Variants in ZNF804A observed in about 807,000 individuals in gnomAD.
The protein encoded by ZNF804A is zinc finger protein 804A.
Under a neutral mutation model 16.5 loss-of-function variants are expected in ZNF804A, and 2 were observed. The observed-to-expected ratio is 0.12, with a 90% CI of 0.05 to 0.38. The LOEUF is 0.38. Among genes scored for constraint, ZNF804A ranks in the 10% least tolerant of loss-of-function variants. The pLI, the probability that ZNF804A is intolerant of heterozygous loss-of-function variation, is 0.99. For synonymous variants in ZNF804A, 534 were observed against 489.6 expected (o/e 1.09, Z -1.20); for missense variants, 1,473 against 1,390.7 (o/e 1.06, Z -0.94).
chr2:184,880,013 A>G, intron 2 of ZNF804A, among the ~76,000 whole-genome samples: 1 of 152,008 alleles, frequency 6.6e-6, no homozygotes, highest in East Asian at 1.9e-4. Flanking sequence ...ATTACATGTT[A>G]CTGAGGGAAA....
At chr2:184,900,535 C>G (rs1334396638) in intron 2 of ZNF804A, among the ~76,000 whole-genome samples, 1 of 151,934 alleles carries the variant, frequency 6.6e-6, no homozygotes, top group Non-Finnish European at 1.5e-5. Context: ...TTTTTTTCTT[C>G]TTTTTAAATA....
In ZNF804A at chr2:184,936,371, T is replaced by G; in HGVS notation, c.975T>G (p.Cys325Trp). The G allele has an allele frequency of 1.2e-6, 2 of 1,614,042 alleles. No homozygotes were observed. The highest frequency in any genetic ancestry group is 1.7e-6 in the Non-Finnish European group (2 of 1,179,962). Reference protein sequence around the residue: ...QLQLSSDADNCQNSVPLADQI... With the variant: ...QLQLSSDADNWQNSVPLADQI... ...AGTTATCTTCTGATGCAGATAATTG[T>G]CAAAATTCAGTCCCATTAGCAGATC... The change falls in exon 4 of 4, where the codon TGT (cysteine) becomes TGG (tryptophan). Residue 325 changes from cysteine (C) to tryptophan (W), a missense_variant. Physicochemically the swap from Cys to Trp is radical, Grantham distance 215. Transcript: ENST00000302277.
At chr2:184,836,807 A>G (rs1411383031) in intron 1 of ZNF804A, among the ~76,000 whole-genome samples, 1 of 151,932 alleles carries the variant, frequency 6.6e-6, no homozygotes, top group African/African-American at 2.4e-5. Context: ...TTATCAATAT[A>G]AATAACTGCA....
At chr2:184,752,202 C>T (rs992536982) in intron 1 of ZNF804A, among the ~76,000 whole-genome samples, 1 of 151,424 alleles carries the variant, frequency 6.6e-6, no homozygotes, top group African/African-American at 2.4e-5. Flanking sequence ...CAGCAGTATT[C>T]ACAATAGCGA....
intron 1 of ZNF804A, among the ~76,000 whole-genome samples, chr2:184,744,910 T>G (rs1425108112): frequency 6.6e-6 from 1 of 151,840 alleles, no homozygotes; most frequent in Non-Finnish European, 1.5e-5. Context: ...CAAGTCCTAA[T>G]CATGTGGGAT....
At chr2:184,776,174 T>C (rs531800466) in intron 1 of ZNF804A, among the ~76,000 whole-genome samples, 5 of 151,684 alleles carry the variant, frequency 3.3e-5, no homozygotes, top group Non-Finnish European at 5.9e-5. Context: ...CGAGGAAATA[T>C]GCAATAACAT....
intron 1 of ZNF804A, among the ~76,000 whole-genome samples, chr2:184,825,052 T>G (rs1695138084): frequency 6.6e-6 from 1 of 152,132 alleles, no homozygotes; most frequent in Admixed American, 6.6e-5. Context: ...AATGTGAAAT[T>G]TTATTATGGC....
At chr2:184,630,245 G>A (rs1278463633) in intron 1 of ZNF804A, among the ~76,000 whole-genome samples, 3 of 151,984 alleles carry the variant, frequency 2.0e-5, no homozygotes, top group Non-Finnish European at 2.9e-5. Context: ...GATAAGATCC[G>A]AAAGATAATT....
In ZNF804A at chr2:184,937,715, A is replaced by G; in HGVS notation, c.2319A>G (p.Arg773=). The G allele has an allele frequency of 6.2e-7, 1 of 1,614,088 alleles. No individual in the cohort carries two copies. The highest frequency in any genetic ancestry group is 8.5e-7 in the Non-Finnish European group (1 of 1,179,994). ...CAGAAAGATTCTATCGAAAACGTAG[A>G]CAACATTCACATTCTTATTCTTCAG... The part of the protein sequence containing the change: ...NESERFYRKR[R]QHSHSYSSDE... The change falls in exon 4 of 4, where the codon AGA becomes AGG. Residue 773 remains arginine (R), a synonymous_variant. Transcript: ENST00000302277.
chr2:184,928,822 G>A (rs1474612519), intron 2 of ZNF804A, among the ~76,000 whole-genome samples: 1 of 152,084 alleles, frequency 6.6e-6, no homozygotes, highest in Non-Finnish European at 1.5e-5. Flanking sequence ...GGAAAGCACT[G>A]AGTTCAACAT....
chr2:184,637,717 C>A (rs1691723943), intron 1 of ZNF804A, among the ~76,000 whole-genome samples: 1 of 151,504 alleles, frequency 6.6e-6, no homozygotes, highest in Non-Finnish European at 1.5e-5. Context: ...GATTATTGCA[C>A]TTAATAATTA....
intron 1 of ZNF804A, among the ~76,000 whole-genome samples, chr2:184,699,770 G>T (rs140270512): frequency 5.4e-4 from 82 of 152,174 alleles, no homozygotes; most frequent in African/African-American, 1.9e-3. Flanking sequence ...AATATTGTAA[G>T]TGAACTAAAG....
rs548998745 is a variant in ZNF804A, at chr2:184,755,059, G to A, written c.112-111310G>A. Among the ~76,000 whole-genome samples, 7 of 151,948 alleles carry A rather than the reference G, an allele frequency of 4.6e-5. No individual in the cohort carries two copies. In the South Asian group the frequency reaches 8.3e-4, roughly 18 times the overall value. ...GTTTATAATTTCGGATGAGATTTGC[G>A]TGGGGACAAAGAGCCAAACCATATG... On this transcript the variant is annotated intron_variant, in intron 1 of 3. Transcript: ENST00000302277.
At chr2:184,869,872 A>G (rs1371213490) in intron 2 of ZNF804A, among the ~76,000 whole-genome samples, 3 of 152,062 alleles carry the variant, frequency 2.0e-5, no homozygotes, top group Admixed American at 6.6e-5. Context: ...TTTCATCCAC[A>G]TTCTCTTTGC....
intron 1 of ZNF804A, among the ~76,000 whole-genome samples, chr2:184,719,008 G>GC (rs1397537244): frequency 1.3e-5 from 2 of 152,150 alleles, no homozygotes; most frequent in Non-Finnish European, 2.9e-5. Flanking sequence ...CTCCATGAGG[G>GC]CCCCATCCCT....
chr2:184,658,796 A>C (rs192594859), intron 1 of ZNF804A, among the ~76,000 whole-genome samples: 23 of 152,340 alleles, frequency 1.5e-4, no homozygotes, highest in Admixed American at 3.9e-4. Context: ...TTTTCAGGTT[A>C]TGTTTCAGGC....
chr2:184,610,016 C>T (rs1195773339), intron 1 of ZNF804A, among the ~76,000 whole-genome samples: 1 of 152,140 alleles, frequency 6.6e-6, no homozygotes, highest in Non-Finnish European at 1.5e-5. Flanking sequence ...GTCATAAGGG[C>T]TCTGCCCTCA....
chr2:184,648,162 A>G (rs993145819), intron 1 of ZNF804A, among the ~76,000 whole-genome samples: 1 of 152,178 alleles, frequency 6.6e-6, no homozygotes, highest in Non-Finnish European at 1.5e-5. Flanking sequence ...TTGCTAAACT[A>G]AGCTTCATAA....
intron 1 of ZNF804A, among the ~76,000 whole-genome samples, chr2:184,682,531 G>A (rs1692560117): frequency 6.6e-6 from 1 of 151,954 alleles, no homozygotes; most frequent in African/African-American, 2.4e-5. Context: ...CTTTCGAGAC[G>A]CAGATGATGT....
Sources: allele counts gnomAD v4.1 joint callset (sites outside exome capture counted in the v4.1 genomes callset), GRCh38; gene constraint gnomAD v4.1.1; transcripts MANE v1.5; gene names NCBI Gene and HGNC (gene_info 2026-07-23, HGNC 2026-07-21).